GPRIN3: variants seen among roughly 807,000 people sequenced by gnomAD.
GPRIN3 encodes GPRIN family member 3.
In GPRIN3, 12 loss-of-function variants were observed where a neutral mutation model predicts 13.7. The ratio of observed to expected loss-of-function variants is 0.87; its 90% confidence interval spans 0.56 to 1.42. GPRIN3 has a LOEUF of 1.42. Ranked by LOEUF, GPRIN3 falls within the 40% of genes most tolerant of loss-of-function variation. The pLI, the probability that GPRIN3 is intolerant of heterozygous loss-of-function variation, is 0.00. For synonymous variants in GPRIN3, 377 were observed against 372.7 expected, an observed-to-expected ratio of 1.01 and a Z score of -0.13; for missense variants, 1,009 against 958.7, an observed-to-expected ratio of 1.05 and a Z score of -0.69.
chr4:89,249,035 C>G lies in GPRIN3; in HGVS notation c.1076G>C (p.Arg359Pro), dbSNP rs777554551. The change falls in exon 2 of 2, where the codon CGT becomes CCT. Residue 359 changes from arginine (R) to proline (P), a missense_variant. Physicochemically the swap from Arg to Pro is moderately radical, Grantham distance 103. Transcript: ENST00000609438. ...APEHFEQEQL[R>P]VICHSSGSHT... ...GCTCCCACTGCTGTGGCAAATGACA[C>G]GCAGCTGCTCTTGTTCAAAATGCTC... 2 of 1,614,024 alleles carry G rather than the reference C, an allele frequency of 1.2e-6. No homozygotes were observed. The highest frequency in any genetic ancestry group is 1.7e-6 in the Non-Finnish European group (2 of 1,180,020).
rs1723008693 is a variant in GPRIN3 at position 89,243,660 on chromosome 4, C to T, written c.*4120G>A. ...AGGGAAATTCACAGGCCTCACTTCT[C>T]AAACACCACTTAGAACAAAGCAGGA... On this transcript the variant is annotated 3_prime_UTR_variant, in exon 2 of 2. Transcript: ENST00000609438. The T allele has an allele frequency of 6.6e-6, 1 of 152,228 alleles. No homozygotes were observed. Among genetic ancestry groups the T allele is most frequent in the Admixed American group, 6.5e-5 (1 of 15,284 alleles). The allele number at this position is 152,228 out of a possible 1,614,324, so 9.4% of individuals were successfully genotyped here. A position where few individuals can be genotyped will look rare whatever the true frequency, so the allele number is the denominator to read the frequency against.
rs1433420471 is a variant in GPRIN3, at chr4:89,290,277, T to G, written c.-124+17338A>C. On this transcript the variant is annotated intron_variant, in intron 1 of 1. Coordinates refer to ENST00000609438, the MANE Select transcript of GPRIN3 (RefSeq NM_198281.3). ...GAGCCACTGCACCTGGCCCTACTCT[T>G]AGTGTTTCAAATATGCTTGAAGCAT... Among the ~76,000 whole-genome samples, 3 of 151,996 alleles carry G rather than the reference T, an allele frequency of 2.0e-5. No homozygotes were observed. The East Asian group carries it at 5.9e-4, about 30-fold the overall frequency.
chr4:89,248,597 G>A lies in GPRIN3; in HGVS notation c.1514C>T (p.Thr505Ile). 6.2e-7 allele frequency: 1 copy of A among 1,613,932 alleles called. No homozygotes were observed. The highest frequency in any genetic ancestry group is 1.6e-4 in the Middle Eastern group (1 of 6,062). The change falls in exon 2 of 2, where the codon ACA becomes ATA. Residue 505 changes from threonine (T) to isoleucine (I), a missense_variant. Thr to Ile is a moderately conservative substitution (Grantham distance 89). Coordinates refer to ENST00000609438, the MANE Select transcript of GPRIN3 (RefSeq NM_198281.3). ...FAEKTTNGHK[T>I]DPDCKLSDSC... The stretch of plus-strand genomic sequence containing the variant: ...GTCAGATAGTTTGCAATCTGGGTCT[G>A]TTTTGTGGCCGTTTGTCGTTTTCTC...
chr4:89,301,885 T>G (rs2110028538), intron 1 of GPRIN3, among the ~76,000 whole-genome samples: 1 of 152,168 alleles, frequency 6.6e-6, no homozygotes, highest in East Asian at 1.9e-4. Context: ...ACATTGTGAG[T>G]TTTTACTCTT....
rs564674451 is a variant in GPRIN3 at position 89,284,622 on chromosome 4, C to G, written c.-124+22993G>C. ...CTTTCTTACTAACAGGAACTCACCA[C>G]CAGGTCTACCTTCCAAGTCCACTGC... On this transcript the variant is annotated intron_variant, in intron 1 of 1. Coordinates refer to ENST00000609438, the MANE Select transcript of GPRIN3 (RefSeq NM_198281.3). Among the ~76,000 whole-genome samples, 6 of 152,286 alleles carry G rather than the reference C, an allele frequency of 3.9e-5. 1 individual carries two copies. In the South Asian group the frequency reaches 1.2e-3, roughly 32 times the overall value.
intron 1 of GPRIN3, among the ~76,000 whole-genome samples, chr4:89,276,272 T>G (rs1390347651): frequency 6.6e-6 from 1 of 152,260 alleles, no homozygotes; most frequent in African/African-American, 2.4e-5. Context: ...ATTTTACAAC[T>G]TGTCTATGCA....
In GPRIN3 at chr4:89,249,166, C is replaced by T. The variant is rs1188760504; in HGVS notation, c.945G>A (p.Arg315=). 1 of 1,614,198 alleles carries T rather than the reference C, an allele frequency of 6.2e-7. No homozygotes were observed. Residue 315 remains arginine, a synonymous_variant, in exon 2 of 2, where the codon AGG becomes AGA. Coordinates refer to ENST00000609438, the MANE Select transcript of GPRIN3 (RefSeq NM_198281.3). ...CCTGCACCTCCGCATCTTGCCAAGC[C>T]CTGCTGGGAACTTCCTTGATTTCAC... The part of the protein sequence containing the change: ...AESEIKEVPS[R]AWQDAEVQAV...
At chr4:89,296,760 A>G (rs889256390) in intron 1 of GPRIN3, among the ~76,000 whole-genome samples, 2 of 152,228 alleles carry the variant, frequency 1.3e-5, no homozygotes, top group Non-Finnish European at 2.9e-5. Context: ...TTTGCTGAAC[A>G]TATGTGTTAC....
chr4:89,255,686 C>T (rs1029420117), intron 1 of GPRIN3, among the ~76,000 whole-genome samples: 7 of 152,100 alleles, frequency 4.6e-5, no homozygotes, highest in East Asian at 3.9e-4. Flanking sequence ...TTGACCAAAG[C>T]GATCAGATGT....
At chr4:89,286,450 C>T (rs948189603) in intron 1 of GPRIN3, among the ~76,000 whole-genome samples, 9 of 152,200 alleles carry the variant, frequency 5.9e-5, no homozygotes, top group African/African-American at 2.2e-4. Context: ...TGGTGCTTTC[C>T]TACACTGTGT....
intron 1 of GPRIN3, among the ~76,000 whole-genome samples, chr4:89,301,934 G>A (rs542176488): frequency 6.6e-6 from 1 of 152,152 alleles, no homozygotes; most frequent in Non-Finnish European, 1.5e-5. Flanking sequence ...TCTTGCTTCT[G>A]TAAGTGTCAC....
At chr4:89,273,472 GAGTTCAAGACC>G (rs1227535542) in intron 1 of GPRIN3, among the ~76,000 whole-genome samples, 3 of 152,150 alleles carry the variant, frequency 2.0e-5, no homozygotes, top group Non-Finnish European at 4.4e-5. Context: ...ACGAGGTCAG[GAGTTCAAGACC>G]AGTTCAAGAC....
rs575060368 is a variant in GPRIN3, at chr4:89,244,610, T to A, written c.*3170A>T. 4 of 152,150 alleles carry A rather than the reference T, an allele frequency of 2.6e-5. No homozygotes were observed. The highest frequency in any genetic ancestry group is 5.9e-5 in the Non-Finnish European group (4 of 68,014). The allele number at this position is 152,150 out of a possible 1,614,324, so 9.4% of individuals were successfully genotyped here. ...TCAAAGTCAATAATCCAGAAATACA[T>A]AATTAGAAAAGCATTCAAGATAAAC... On this transcript the variant is annotated 3_prime_UTR_variant, in exon 2 of 2. Transcript: ENST00000609438.
chr4:89,264,370 A>G (rs935910266), intron 1 of GPRIN3, among the ~76,000 whole-genome samples: 1 of 152,194 alleles, frequency 6.6e-6, no homozygotes, highest in Non-Finnish European at 1.5e-5. Context: ...CCTTCCCCAG[A>G]AGCAGATACT....
intron 1 of GPRIN3, among the ~76,000 whole-genome samples, chr4:89,287,823 G>C (rs1432887944): frequency 2.0e-5 from 3 of 152,192 alleles, no homozygotes; most frequent in African/African-American, 7.2e-5. Context: ...AAGTGTTATT[G>C]AATATTAGGA....
intron 1 of GPRIN3, among the ~76,000 whole-genome samples, chr4:89,295,672 G>C (rs1039163254): frequency 1.3e-5 from 2 of 152,100 alleles, no homozygotes; most frequent in African/African-American, 2.4e-5. Flanking sequence ...AAGTGGTGGG[G>C]CATCAGAGCT....
At chr4:89,275,134 C>CTG (rs1491183688) in intron 1 of GPRIN3, among the ~76,000 whole-genome samples, 2 of 70,542 alleles carry the variant, frequency 2.8e-5, no homozygotes, top group Non-Finnish European at 5.8e-5. Context: ...GACTAAGTAA[C>CTG]TCTGTGTGTG....
chr4:89,306,224 T>C (rs2110034450), intron 1 of GPRIN3, among the ~76,000 whole-genome samples: 1 of 152,326 alleles, frequency 6.6e-6, no homozygotes, highest in Middle Eastern at 3.4e-3. Context: ...GTGACTCATG[T>C]ACCTTTATTC....
chr4:89,260,512 G>C (rs982098402), intron 1 of GPRIN3, among the ~76,000 whole-genome samples: 1 of 152,154 alleles, frequency 6.6e-6, no homozygotes, highest in African/African-American at 2.4e-5. Flanking sequence ...AGTACATAAA[G>C]GTTTTGCTTT....
Sources: gnomAD v4.1 joint callset for allele counts (sites outside exome capture counted in the v4.1 genomes callset) on GRCh38, gnomAD v4.1.1 for gene constraint, MANE v1.5 for transcripts, NCBI Gene and HGNC (gene_info 2026-07-23, HGNC 2026-07-21) for gene names.